Variants in ASTN2 observed in about 807,000 individuals in gnomAD.
The protein encoded by ASTN2 is astrotactin 2.
Under a neutral mutation model 139.8 loss-of-function variants are expected in ASTN2, and 54 were observed. The ratio of observed to expected loss-of-function variants is 0.39; its 90% confidence interval spans 0.31 to 0.48. The LOEUF (loss-of-function observed/expected upper bound fraction) is 0.48, where lower values mean the gene tolerates loss of function less well. Among genes scored for constraint, ASTN2 ranks in the 20% least tolerant of loss-of-function variants. The probability of loss-of-function intolerance (pLI) is 0.95; values close to 1 mark genes in which losing one functional copy is unlikely to be tolerated. For missense variants in ASTN2, 1,565 were observed against 1,725.1 expected (o/e 0.91, Z 1.64); for synonymous variants, 756 against 719.5 (o/e 1.05, Z -0.81).
intron 5 of ASTN2, among the ~76,000 whole-genome samples, chr9:117,071,048 G>T (rs573459544): frequency 1.3e-5 from 2 of 149,112 alleles, no homozygotes; most frequent in South Asian, 4.4e-4. Context: ...TTCTGTTGCT[G>T]GTGAGGAGCT....
intron 5 of ASTN2, among the ~76,000 whole-genome samples, chr9:117,059,663 C>G (rs557327134): frequency 6.6e-6 from 1 of 152,030 alleles, no homozygotes; most frequent in Non-Finnish European, 1.5e-5. Context: ...ACCACCACCA[C>G]CAACAAAAAA....
chr9:116,763,021 T>G (rs1274275903), intron 13 of ASTN2, among the ~76,000 whole-genome samples: 1 of 152,220 alleles, frequency 6.6e-6, no homozygotes, highest in East Asian at 1.9e-4. Flanking sequence ...TTCAATTCCA[T>G]GACTACTTTA....
At chr9:116,753,058 G>A (rs533290057) in intron 13 of ASTN2, among the ~76,000 whole-genome samples, 1 of 152,200 alleles carries the variant, frequency 6.6e-6, no homozygotes, top group Non-Finnish European at 1.5e-5. Context: ...ACAAAACTCT[G>A]CACATGTTTA....
chr9:116,616,960 C>G (rs1161574930), intron 19 of ASTN2, among the ~76,000 whole-genome samples: 1 of 152,150 alleles, frequency 6.6e-6, no homozygotes, highest in Non-Finnish European at 1.5e-5. Flanking sequence ...CATACAGAGT[C>G]AAAAGTCAGA....
At chr9:117,239,428 G>A (rs536386686) in intron 2 of ASTN2, among the ~76,000 whole-genome samples, 1 of 152,146 alleles carries the variant, frequency 6.6e-6, no homozygotes, top group Admixed American at 6.5e-5. Context: ...CTCTATAAAA[G>A]CCCAGAGAAG....
At chr9:116,646,507 T>G (rs1857596359) in intron 17 of ASTN2, among the ~76,000 whole-genome samples, 1 of 152,068 alleles carries the variant, frequency 6.6e-6, no homozygotes, top group South Asian at 2.1e-4. Flanking sequence ...AGTAGCTGCT[T>G]TTTCTTCCCA....
chr9:116,729,215 T>A, intron 14 of ASTN2, 119 bp from the exon 15 acceptor site: 1 of 732,790 alleles, frequency 1.4e-6, no homozygotes, highest in Non-Finnish European at 2.2e-6. Context: ...CAACTTTCAC[T>A]GGGATTGACA....
chr9:117,376,824 G>T (rs972392956), intron 1 of ASTN2, among the ~76,000 whole-genome samples: 1 of 152,036 alleles, frequency 6.6e-6, no homozygotes, highest in African/African-American at 2.4e-5. Flanking sequence ...CTCAATAAAT[G>T]GTAGGCATTT....
rs376081261 is a variant in ASTN2 at position 116,841,814 on chromosome 9, C to T, written c.2041-21031G>A. 3.9e-5 allele frequency among the ~76,000 whole-genome samples: 6 copies of T among 152,338 alleles called. No homozygotes were observed. In the South Asian group the frequency reaches 1.2e-3, roughly 32 times the overall value. Reference sequence around the variant, plus strand: ...ACAGGTGCTCACTAAATGCTAACTGCTATTGTAGTTACCTTGTTACTTTCT... The same window carrying T: ...ACAGGTGCTCACTAAATGCTAACTGTTATTGTAGTTACCTTGTTACTTTCT... On this transcript the variant is annotated intron_variant, in intron 11 of 22. Coordinates refer to ENST00000313400, the MANE Select transcript of ASTN2 (RefSeq NM_001365068.1).
intron 6 of ASTN2, among the ~76,000 whole-genome samples, chr9:117,009,103 G>A (rs1413338337): frequency 6.6e-6 from 1 of 152,090 alleles, no homozygotes; most frequent in African/African-American, 2.4e-5. Flanking sequence ...CTATGACTCA[G>A]CTCCAGCAGC....
chr9:116,638,613 C>T (rs1857184586), intron 17 of ASTN2, among the ~76,000 whole-genome samples: 1 of 151,682 alleles, frequency 6.6e-6, no homozygotes, highest in African/African-American at 2.4e-5. Context: ...CAGATAAGGA[C>T]ATTAAATAAC....
chr9:117,314,465 G>A lies in ASTN2; in HGVS notation c.443-22952C>T, dbSNP rs80212512. Among the ~76,000 whole-genome samples the A allele has an allele frequency of 5.2e-3, 789 of 151,640 alleles. 7 individuals carry two copies. Among genetic ancestry groups the A allele is most frequent in the African/African-American group, 0.019 (766 of 41,330 alleles). ...TTAAAATATGAGCCAAGGACCTGTGGCCCTGCGGTTGCTGTCTTAGCTGCT... is the reference window on the plus strand; with the variant it reads ...TTAAAATATGAGCCAAGGACCTGTGACCCTGCGGTTGCTGTCTTAGCTGCT... On this transcript the variant is annotated intron_variant, in intron 1 of 22. Coordinates refer to ENST00000313400, the MANE Select transcript of ASTN2 (RefSeq NM_001365068.1).
intron 19 of ASTN2, among the ~76,000 whole-genome samples, chr9:116,524,009 T>C (rs1040288677): frequency 3.9e-5 from 6 of 152,150 alleles, no homozygotes; most frequent in Non-Finnish European, 7.3e-5. Flanking sequence ...CCATTTTTTT[T>C]CCTCTAATCA....
intron 2 of ASTN2, among the ~76,000 whole-genome samples, chr9:117,248,495 G>T (rs1833447970): frequency 6.6e-6 from 1 of 152,188 alleles, no homozygotes; most frequent in African/African-American, 2.4e-5. Context: ...TGGCAGAATT[G>T]CATTGTTTGG....
chr9:116,679,655 A>G (rs1192629298), intron 16 of ASTN2, among the ~76,000 whole-genome samples: 1 of 152,202 alleles, frequency 6.6e-6, no homozygotes, highest in Non-Finnish European at 1.5e-5. Flanking sequence ...AATGTAAAAG[A>G]ACAGAAATTA....
chr9:117,317,468 A>G (rs1171585362), intron 1 of ASTN2, among the ~76,000 whole-genome samples: 1 of 152,186 alleles, frequency 6.6e-6, no homozygotes, highest in Non-Finnish European at 1.5e-5. Flanking sequence ...TTGTTGAATG[A>G]ATACACTAAT....
intron 1 of ASTN2, among the ~76,000 whole-genome samples, chr9:117,313,772 A>T (rs538821461): frequency 6.6e-6 from 1 of 152,286 alleles, no homozygotes; most frequent in Admixed American, 6.5e-5. Context: ...GGTTTAGGAC[A>T]CAGTCCTGCA....
At chr9:116,769,281 C>A (rs1184146346) in intron 13 of ASTN2, among the ~76,000 whole-genome samples, 1 of 152,194 alleles carries the variant, frequency 6.6e-6, no homozygotes, top group East Asian at 1.9e-4. Flanking sequence ...TGAATCACAT[C>A]TATTGGATAT....
At chr9:116,593,294 C>A (rs942582856) in intron 19 of ASTN2, among the ~76,000 whole-genome samples, 1 of 152,138 alleles carries the variant, frequency 6.6e-6, no homozygotes, top group Non-Finnish European at 1.5e-5. Context: ...AGGCACTGGG[C>A]GTGGGCCGAA....
Sources: gnomAD v4.1 joint callset for allele counts (sites outside exome capture counted in the v4.1 genomes callset) on GRCh38, gnomAD v4.1.1 for gene constraint, MANE v1.5 for transcripts, NCBI Gene and HGNC (gene_info 2026-07-23, HGNC 2026-07-21) for gene names.